AKAP9: variants seen among roughly 807,000 people sequenced by gnomAD.
The protein encoded by AKAP9 is A-kinase anchor protein 9.
Under a neutral mutation model 488.5 loss-of-function variants are expected in AKAP9, and 311 were observed. That is an observed-to-expected ratio of 0.64 (90% CI 0.58 to 0.70). AKAP9 has a LOEUF of 0.70. AKAP9 is among the 30% of genes least tolerant of loss of function. The pLI is 0.00. For synonymous variants in AKAP9, 1,462 were observed against 1,483.5 expected (o/e 0.99, Z 0.33); for missense variants, 4,215 against 4,374.5 (o/e 0.96, Z 1.03).
intron 14 of AKAP9, among the ~76,000 whole-genome samples, chr7:92,029,402 A>G (rs930967055): frequency 1.3e-5 from 2 of 152,340 alleles, no homozygotes; most frequent in East Asian, 1.9e-4. Context: ...AAATATACAT[A>G]TGTATGTTAA....
At chr7:92,038,388 A>G (rs1483011344) in intron 16 of AKAP9, 31 bp from the exon 17 acceptor site, 3 of 1,532,458 alleles carry the variant, frequency 2.0e-6, no homozygotes, top group Non-Finnish European at 2.7e-6. Flanking sequence ...TTCTAAATCT[A>G]ATCCTTTATT....
At chr7:91,944,741 A>G (rs1791220602) in intron 1 of AKAP9, among the ~76,000 whole-genome samples, 1 of 152,202 alleles carries the variant, frequency 6.6e-6, no homozygotes, top group Non-Finnish European at 1.5e-5. Context: ...TATATTAAAC[A>G]CATGTTATAG....
chr7:91,993,150 A>T (rs1562947766), intron 5 of AKAP9, 95 bp downstream of exon 5: 48 of 1,346,712 alleles, frequency 3.6e-5, no homozygotes, highest in East Asian at 4.8e-5. Flanking sequence ...GGTTTTTAAA[A>T]TTTTTTTTTA....
intron 42 of AKAP9, 106 bp downstream of exon 42, chr7:92,097,900 T>C: frequency 8.8e-7 from 1 of 1,133,766 alleles, no homozygotes. Flanking sequence ...ATTTTAAAGG[T>C]AATGCGTGTT....
rs138791532 is a variant in AKAP9 at position 92,024,943 on chromosome 7, A to G, written c.4148+1934A>G. 6.0e-4 allele frequency among the ~76,000 whole-genome samples: 92 copies of G among 152,352 alleles called. 1 individual carries two copies. In the East Asian group the frequency reaches 0.013, roughly 21 times the overall value. ...ATTTTCTTTGAGATTGGTGGTTTCTAAACATGACCATACATCAGAAATAGT... is the reference window on the plus strand; with the variant it reads ...ATTTTCTTTGAGATTGGTGGTTTCTGAACATGACCATACATCAGAAATAGT... On this transcript the variant is annotated intron_variant, in intron 14 of 49. Coordinates refer to ENST00000356239, the MANE Select transcript of AKAP9 (RefSeq NM_005751.5).
chr7:92,082,489 T>G (rs191786276), intron 31 of AKAP9, 33 bp from the exon 32 acceptor site: 2 of 1,608,212 alleles, frequency 1.2e-6, no homozygotes, highest in African/African-American at 2.7e-5. Flanking sequence ...TTTTTTTAAA[T>G]TATGTGTTTC....
chr7:92,034,482 A>ATATATC (rs1554424478), intron 16 of AKAP9, among the ~76,000 whole-genome samples: 2 of 109,238 alleles, frequency 1.8e-5, no homozygotes, highest in Non-Finnish European at 3.6e-5. Context: ...GTATATATCT[A>ATATATC]TATATATATA....
intron 10 of AKAP9, among the ~76,000 whole-genome samples, chr7:92,015,467 C>T (rs1050237632): frequency 6.6e-6 from 1 of 151,254 alleles, no homozygotes; most frequent in Non-Finnish European, 1.5e-5. Context: ...TAGGTTCAAG[C>T]TATTCTTGTA....
At chr7:92,055,344 T>C (rs572108286) in intron 22 of AKAP9, among the ~76,000 whole-genome samples, 4 of 152,212 alleles carry the variant, frequency 2.6e-5, no homozygotes, top group Non-Finnish European at 2.9e-5. Context: ...CCTTCAAGTA[T>C]TGTCCCCAGT....
intron 38 of AKAP9, chr7:92,090,309 T>G (rs938534618): frequency 3.9e-5 from 6 of 152,284 alleles, no homozygotes; most frequent in African/African-American, 1.4e-4. Flanking sequence ...GTTCATTCAT[T>G]CTTGTTACTC....
intron 21 of AKAP9, among the ~76,000 whole-genome samples, chr7:92,047,822 C>G (rs2130795455): frequency 6.6e-6 from 1 of 152,242 alleles, no homozygotes; most frequent in East Asian, 1.9e-4. Context: ...AATATTGTAG[C>G]AGAGATAATT....
chr7:92,089,756 A>G lies in AKAP9; in HGVS notation c.9358+227A>G, dbSNP rs1406400069. On this transcript the variant is annotated intron_variant, in intron 38 of 49. Coordinates refer to ENST00000356239, the MANE Select transcript of AKAP9 (RefSeq NM_005751.5). ...TAAAATAAACTGCCATTCCCCTGAT[A>G]AGGTTAAGCCCATTGGATTCATTCT... 4 of 469,064 alleles carry G rather than the reference A, an allele frequency of 8.5e-6. No homozygotes were observed. In the East Asian group the frequency reaches 1.2e-4, roughly 14 times the overall value. 29.1% of individuals were successfully genotyped at this position (469,064 alleles called of 1,614,324 possible).
chr7:91,980,032 A>G (rs1438781570), intron 2 of AKAP9, among the ~76,000 whole-genome samples: 2 of 152,190 alleles, frequency 1.3e-5, no homozygotes, highest in African/African-American at 2.4e-5. Flanking sequence ...TGATATGTAT[A>G]TAAGACCCTG....
chr7:91,944,543 C>T (rs547717687), intron 1 of AKAP9, among the ~76,000 whole-genome samples: 8 of 152,068 alleles, frequency 5.3e-5, no homozygotes, highest in Admixed American at 1.3e-4. Context: ...TTTACCACCA[C>T]GCCTGGCTAA....
At chr7:92,019,533 C>T (rs1208113689) in intron 12 of AKAP9, among the ~76,000 whole-genome samples, 1 of 151,704 alleles carries the variant, frequency 6.6e-6, no homozygotes, top group Non-Finnish European at 1.5e-5. Context: ...CCAGGTTGTT[C>T]TGTGTACTGA....
At chr7:92,086,472 G>A in intron 37 of AKAP9, 56 bp downstream of exon 37, 2 of 1,377,902 alleles carry the variant, frequency 1.5e-6, no homozygotes, top group Non-Finnish European at 2.1e-6. Flanking sequence ...AATGACTATT[G>A]ATTTTAGAGT....
Position 92,042,046 on chromosome 7 carries a change from A to C in AKAP9, c.4918A>C (p.Arg1640=). 1 of 1,613,628 alleles carries C rather than the reference A, an allele frequency of 6.2e-7. No individual in the cohort carries two copies. The stretch of plus-strand genomic sequence containing the variant: ...TTTCATGACCTTTTTTCTTATTTAG[A>C]GATCCTCCATAGATAATGAAAACCT... ...IKRLNRQLAQ[R]SSIDNENLVS... The change falls in exon 19 of 50, where the codon AGA becomes CGA. Residue 1640 remains arginine, a splice_region_variant and synonymous_variant. Coordinates refer to ENST00000356239, the MANE Select transcript of AKAP9 (RefSeq NM_005751.5).
At chr7:92,075,751 T>C (rs770546601) in intron 28 of AKAP9, among the ~76,000 whole-genome samples, 3 of 152,246 alleles carry the variant, frequency 2.0e-5, no homozygotes, top group Non-Finnish European at 2.9e-5. Flanking sequence ...TGCTTAGCGG[T>C]AAACTGTTAC....
intron 21 of AKAP9, among the ~76,000 whole-genome samples, chr7:92,049,842 C>T (rs2130799363): frequency 6.6e-6 from 1 of 152,120 alleles, no homozygotes; most frequent in East Asian, 1.9e-4. Flanking sequence ...AGCCATTTGG[C>T]TTAAAAAAGC....
Sources: allele counts gnomAD v4.1 joint callset (sites outside exome capture counted in the v4.1 genomes callset), GRCh38; gene constraint gnomAD v4.1.1; transcripts MANE v1.5; gene names NCBI Gene and HGNC (gene_info 2026-07-23, HGNC 2026-07-21).